The following CAPZA1 variants were observed in gnomAD, a reference collection of about 807,000 sequenced individuals.
CAPZA1 encodes the protein F-actin-capping protein subunit alpha-1.
In CAPZA1, 10 loss-of-function variants were observed where a neutral mutation model predicts 40.8. The ratio of observed to expected loss-of-function variants is 0.25; its 90% CI spans 0.15 to 0.42. The LOEUF is 0.42. CAPZA1 is among the 10% of genes least tolerant of loss of function. CAPZA1 has a pLI of 1.00. For synonymous variants in CAPZA1, 98 were observed against 115.0 expected (o/e 0.85, Z 0.95); for missense variants, 277 against 353.8 (o/e 0.78, Z 1.74).
Position 112,653,501 on chromosome 1 carries a change from C to G in CAPZA1, c.156-97C>G. On this transcript the variant is annotated intron_variant, in intron 3 of 9. Transcript: ENST00000263168. The stretch of plus-strand genomic sequence containing the variant: ...GGTACTATTTTCACATTTCCTTTCA[C>G]TATTCTGTGAACCACCTTTTGTGTT... 5.1e-6 allele frequency: 4 copies of G among 790,346 alleles called. No individual in the cohort carries two copies. The South Asian group carries it at 6.5e-5, about 13-fold the overall frequency. The allele number at this position is 790,346 out of a possible 1,614,324, so 49.0% of individuals were successfully genotyped here.
At chr1:112,643,875 C>CTTTTTTTTTTTTTTTTTTTTTGAGACGG (rs1557731528) in intron 1 of CAPZA1, among the ~76,000 whole-genome samples, 1 of 152,046 alleles carries the variant, frequency 6.6e-6, no homozygotes, top group African/African-American at 2.4e-5. Flanking sequence ...GAGACAGTCT[C>CTTTTTTTTTTTTTTTTTTTTTGAGACGG]ACTCTGTCGC....
At chr1:112,629,575 T>G (rs1670880531) in intron 1 of CAPZA1, among the ~76,000 whole-genome samples, 1 of 152,216 alleles carries the variant, frequency 6.6e-6, no homozygotes, top group South Asian at 2.1e-4. Context: ...TTAACTCTCA[T>G]AGGGCAGTCT....
intron 3 of CAPZA1, among the ~76,000 whole-genome samples, chr1:112,651,768 GTT>G (rs1671391364): frequency 6.6e-6 from 1 of 151,944 alleles, no homozygotes. Context: ...GAGCTAATGT[GTT>G]TGGGATTAAT....
chr1:112,659,571 A>G (rs2101181163), intron 6 of CAPZA1, 130 bp from the exon 7 acceptor site: 1 of 683,850 alleles, frequency 1.5e-6, no homozygotes, highest in Non-Finnish European at 2.5e-6. Context: ...TGGAAATGAC[A>G]GTTTCTCTCT....
Position 112,619,905 on chromosome 1 carries a change from CTT to C in CAPZA1, c.39+23_39+24del, listed in dbSNP as rs978359858. ...GAAGGTAAGGGGTCCGCCTCTCTCT[CTT>C]ACCTCCTCCCCCGACAGGGAACTGG... On this transcript the variant is annotated intron_variant, in intron 1 of 9. Transcript: ENST00000263168. The C allele has an allele frequency of 5.6e-6, 9 of 1,593,416 alleles. No homozygotes were observed. In the African/African-American group the frequency reaches 8.1e-5, roughly 14 times the overall value.
intron 6 of CAPZA1, 114 bp downstream of exon 6, chr1:112,659,215 A>G (rs1671555584): frequency 4.2e-6 from 3 of 710,196 alleles, no homozygotes; most frequent in Admixed American, 2.4e-5. Context: ...TCAGTTTTCC[A>G]TCTATAAATG....
At chr1:112,664,507 C>G (rs1446067345) in intron 7 of CAPZA1, among the ~76,000 whole-genome samples, 1 of 152,116 alleles carries the variant, frequency 6.6e-6, no homozygotes, top group Non-Finnish European at 1.5e-5. Context: ...TAATTCAAAT[C>G]CTAGCTCCTC....
At chr1:112,647,951 T>C (rs1478924260) in intron 2 of CAPZA1, among the ~76,000 whole-genome samples, 1 of 152,262 alleles carries the variant, frequency 6.6e-6, no homozygotes, top group Non-Finnish European at 1.5e-5. Context: ...TTTTAAGTTA[T>C]TAAGTTTGTC....
intron 1 of CAPZA1, among the ~76,000 whole-genome samples, chr1:112,642,934 A>G (rs893706531): frequency 2.6e-5 from 4 of 152,038 alleles, no homozygotes; most frequent in African/African-American, 9.7e-5. Flanking sequence ...CCTTGCAGGG[A>G]AGTTACTTTT....
At chr1:112,623,079 G>T (rs537116733) in intron 1 of CAPZA1, among the ~76,000 whole-genome samples, 18 of 152,098 alleles carry the variant, frequency 1.2e-4, no homozygotes, top group African/African-American at 4.1e-4. Flanking sequence ...TAGAGACAGG[G>T]TTTCAATATG....
intron 6 of CAPZA1, 111 bp from the exon 7 acceptor site, chr1:112,659,590 T>C (rs1671562858): frequency 1.4e-6 from 1 of 726,060 alleles, no homozygotes; most frequent in Non-Finnish European, 2.3e-6. Context: ...CTCTCTCTTT[T>C]TTTTTTTCTT....
At chr1:112,661,679 A>C (rs994012184) in intron 7 of CAPZA1, among the ~76,000 whole-genome samples, 1 of 152,250 alleles carries the variant, frequency 6.6e-6, no homozygotes, top group East Asian at 1.9e-4. Flanking sequence ...AGCTTATTGT[A>C]AATTTTGTGT....
At chr1:112,662,990 G>C (rs1157810537) in intron 7 of CAPZA1, among the ~76,000 whole-genome samples, 4 of 151,808 alleles carry the variant, frequency 2.6e-5, no homozygotes, top group Non-Finnish European at 4.4e-5. Flanking sequence ...TTTTGAGATG[G>C]AGTCTTGCTC....
At chr1:112,619,958 C>G in intron 1 of CAPZA1, 75 bp downstream of exon 1, 2 of 1,206,542 alleles carry the variant, frequency 1.7e-6, no homozygotes, top group Non-Finnish European at 2.4e-6. Context: ...CGTTGGGAGC[C>G]TAGCAGTGTC....
intron 1 of CAPZA1, among the ~76,000 whole-genome samples, chr1:112,631,915 T>C (rs1388666800): frequency 2.0e-5 from 3 of 152,224 alleles, no homozygotes; most frequent in East Asian, 3.8e-4. Context: ...CTTAAATGTG[T>C]CATTTTTAAA....
chr1:112,643,737 C>T (rs181813661), intron 1 of CAPZA1, among the ~76,000 whole-genome samples: 11 of 152,282 alleles, frequency 7.2e-5, no homozygotes, highest in South Asian at 2.1e-4. Flanking sequence ...TCTTGACTAA[C>T]GGTTTCATCA....
At chr1:112,645,846 C>G (rs1475285122) in intron 1 of CAPZA1, among the ~76,000 whole-genome samples, 1 of 151,610 alleles carries the variant, frequency 6.6e-6, no homozygotes, top group African/African-American at 2.4e-5. Context: ...CCTGTAGTCC[C>G]AGCTACTCAG....
At chr1:112,663,102 G>A (rs1031417296) in intron 7 of CAPZA1, among the ~76,000 whole-genome samples, 10 of 151,700 alleles carry the variant, frequency 6.6e-5, no homozygotes, top group South Asian at 2.1e-4. Context: ...GTAGCTGGGC[G>A]TACAGGCGCA....
chr1:112,657,209 C>G (rs553512250), intron 5 of CAPZA1, among the ~76,000 whole-genome samples: 2 of 152,114 alleles, frequency 1.3e-5, no homozygotes, highest in South Asian at 2.1e-4. Flanking sequence ...TAATTTTTCT[C>G]TGTGTGTGTT....
Sources: allele counts gnomAD v4.1 joint callset (sites outside exome capture counted in the v4.1 genomes callset), GRCh38; gene constraint gnomAD v4.1.1; transcripts MANE v1.5; gene names NCBI Gene and HGNC (gene_info 2026-07-23, HGNC 2026-07-21).